Variants in ANKRD11 observed in about 807,000 individuals in gnomAD.
ANKRD11 encodes the protein ankyrin repeat domain-containing protein 11.
In ANKRD11, 17 loss-of-function variants were observed where a neutral mutation model predicts 195.7. That is an observed-to-expected ratio of 0.09 (90% CI 0.06 to 0.13). The LOEUF is 0.13. Ranked by LOEUF, ANKRD11 falls within the 10% of genes least tolerant of loss-of-function variation. The pLI is 1.00. For synonymous variants in ANKRD11, 1,953 were observed against 1,528.1 expected, an observed-to-expected ratio of 1.28 and a Z score of -6.49; for missense variants, 3,735 against 3,566.1, an observed-to-expected ratio of 1.05 and a Z score of -1.21.
intron 2 of ANKRD11, among the ~76,000 whole-genome samples, chr16:89,328,173 G>C (rs1956443006): frequency 6.6e-6 from 1 of 152,106 alleles, no homozygotes; most frequent in African/African-American, 2.4e-5. Flanking sequence ...ACACCAATCG[G>C]AACAGCTAAA....
intron 1 of ANKRD11, among the ~76,000 whole-genome samples, chr16:89,473,065 C>T (rs914946080): frequency 6.6e-6 from 1 of 152,064 alleles, no homozygotes; most frequent in Non-Finnish European, 1.5e-5. Context: ...GTGGTACACA[C>T]CTGTGGTCCC....
chr16:89,301,417 G>A, intron 4 of ANKRD11: 1 of 396,994 alleles, frequency 2.5e-6, no homozygotes, highest in Non-Finnish European at 4.4e-6. Context: ...TGAGGTGGTA[G>A]AGGACAGACT....
At chr16:89,432,177 G>T (rs1001120976) in intron 1 of ANKRD11, among the ~76,000 whole-genome samples, 7 of 151,536 alleles carry the variant, frequency 4.6e-5, no homozygotes, top group Non-Finnish European at 8.8e-5. Context: ...ACCTCAGTCT[G>T]GTGTGCAGAA....
At chr16:89,385,510 C>A (rs1382297252) in intron 2 of ANKRD11, among the ~76,000 whole-genome samples, 1 of 152,178 alleles carries the variant, frequency 6.6e-6, no homozygotes, top group Non-Finnish European at 1.5e-5. Flanking sequence ...GCCAGAGACA[C>A]CGAGACCCTG....
chr16:89,301,583 G>A (rs2035855828), intron 4 of ANKRD11: 2 of 398,696 alleles, frequency 5.0e-6, no homozygotes, highest in Non-Finnish European at 8.8e-6. Flanking sequence ...ACTCCTTGCT[G>A]CACCCACAGC....
chr16:89,322,165 AC>A (rs1437749098), intron 2 of ANKRD11, among the ~76,000 whole-genome samples: 1 of 152,012 alleles, frequency 6.6e-6, no homozygotes, highest in African/African-American at 2.4e-5. Context: ...GGCGCCCCCA[AC>A]CCCTGTATTG....
chr16:89,307,478 G>A (rs1248392540), intron 3 of ANKRD11, among the ~76,000 whole-genome samples: 3 of 152,288 alleles, frequency 2.0e-5, no homozygotes, highest in East Asian at 1.9e-4. Context: ...CAAGCAGACC[G>A]GAGCCCACCT....
At chr16:89,374,492 G>A (rs372309189) in intron 2 of ANKRD11, among the ~76,000 whole-genome samples, 1 of 152,184 alleles carries the variant, frequency 6.6e-6, no homozygotes, top group African/African-American at 2.4e-5. Context: ...GAAAAAGCCT[G>A]TCAAGCCCTG....
Position 89,281,423 on chromosome 16 carries a change from T to C in ANKRD11, c.5119A>G (p.Thr1707Ala), listed in dbSNP as rs551427181. 10 of 1,612,090 alleles carry C rather than the reference T, an allele frequency of 6.2e-6. No individual in the cohort carries two copies. In the African/African-American group the frequency reaches 1.1e-4, roughly 17 times the overall value. The change falls in exon 9 of 13, where the codon ACG (threonine) becomes GCG (alanine). Residue 1707 changes from threonine (T) to alanine (A), a missense_variant. Transcript: ENST00000301030. This position sits in a 1 kb window ranked among gnomAD's most constrained non-coding sequence, Gnocchi z 5.5. ...QSRPTGVPTPTSVLSCPSYEE... is the reference protein window; with the variant it reads ...QSRPTGVPTPASVLSCPSYEE... ...TAGCTGGGGCAGGATAGCACCGACG[T>C]AGGGGTGGGCACGCCAGTGGGCCGG... is the stretch of plus-strand genomic sequence containing the variant.
At chr16:89,413,572 C>T (rs963251115) in intron 2 of ANKRD11, among the ~76,000 whole-genome samples, 29 of 152,262 alleles carry the variant, frequency 1.9e-4, no homozygotes, top group South Asian at 4.1e-4. Context: ...TTGCAGTGAG[C>T]CGAGGTCGCA....
intron 2 of ANKRD11, among the ~76,000 whole-genome samples, chr16:89,332,072 G>T (rs1012818181): frequency 6.6e-6 from 1 of 151,922 alleles, no homozygotes; most frequent in East Asian, 1.9e-4. Context: ...GGGATCATTC[G>T]ATCCCAGGAG....
intron 2 of ANKRD11, among the ~76,000 whole-genome samples, chr16:89,334,429 T>C (rs1405126710): frequency 6.6e-6 from 1 of 152,114 alleles, no homozygotes; most frequent in Non-Finnish European, 1.5e-5. Flanking sequence ...AAGCCTGCCA[T>C]TCTCTGAGGA....
intron 1 of ANKRD11, among the ~76,000 whole-genome samples, chr16:89,428,985 C>T (rs572832181): frequency 5.3e-5 from 8 of 152,256 alleles, no homozygotes. Flanking sequence ...ATGATTTGTA[C>T]AGCCCAACAT....
intron 4 of ANKRD11, among the ~76,000 whole-genome samples, chr16:89,302,552 T>C (rs767230467): frequency 2.6e-5 from 4 of 152,176 alleles, no homozygotes; most frequent in East Asian, 1.9e-4. Flanking sequence ...CGCCTGGCTG[T>C]GGACTTGCTA....
chr16:89,372,020 T>C (rs2040214490), intron 2 of ANKRD11, among the ~76,000 whole-genome samples: 3 of 152,132 alleles, frequency 2.0e-5, no homozygotes, highest in African/African-American at 4.8e-5. Context: ...GCCAAGAACA[T>C]GGTGAAGCCA....
intron 4 of ANKRD11, among the ~76,000 whole-genome samples, chr16:89,293,252 G>C (rs2035181692): frequency 6.6e-6 from 1 of 152,212 alleles, no homozygotes; most frequent in African/African-American, 2.4e-5. Flanking sequence ...GAGATACACA[G>C]ACTTTGCAAA....
intron 2 of ANKRD11, among the ~76,000 whole-genome samples, chr16:89,375,617 T>C (rs2040391114): frequency 2.0e-5 from 3 of 151,816 alleles, no homozygotes; most frequent in African/African-American, 7.3e-5. Flanking sequence ...CCACGCCCAG[T>C]TAATTTTTAA....
At chr16:89,472,868 G>GA (rs934901703) in intron 1 of ANKRD11, among the ~76,000 whole-genome samples, 4 of 152,092 alleles carry the variant, frequency 2.6e-5, no homozygotes, top group Non-Finnish European at 5.9e-5. Context: ...AGTCACAAGT[G>GA]AAAAAAGAGC....
chr16:89,456,441 G>A (rs2056439803), intron 1 of ANKRD11, among the ~76,000 whole-genome samples: 1 of 151,810 alleles, frequency 6.6e-6, no homozygotes, highest in African/African-American at 2.4e-5. Context: ...CCAGCTACTC[G>A]GGAGGCTGAG....
Sources: allele counts gnomAD v4.1 joint callset (sites outside exome capture counted in the v4.1 genomes callset), GRCh38; gene constraint gnomAD v4.1.1; non-coding constraint Gnocchi (gnomAD v3.1); transcripts MANE v1.5; gene names NCBI Gene and HGNC (gene_info 2026-07-23, HGNC 2026-07-21).